KCNQ5: variants seen among roughly 807,000 people sequenced by gnomAD.
The protein encoded by KCNQ5 is potassium voltage-gated channel subfamily Q member 5, also known as potassium voltage-gated channel subfamily KQT member 5.
KCNQ5 carries 30 observed loss-of-function variants against 98.2 expected under a neutral mutation model. The observed-to-expected ratio is 0.31, with a 90% CI of 0.23 to 0.41. The LOEUF is 0.41. Among genes scored for constraint, KCNQ5 ranks in the 10% least tolerant of loss-of-function variants. The probability of loss-of-function intolerance (pLI) is 1.00; values close to 1 mark genes in which losing one functional copy is unlikely to be tolerated. For synonymous variants in KCNQ5, 458 were observed against 449.4 expected, an observed-to-expected ratio of 1.02 and a Z score of -0.24; for missense variants, 835 against 1,182.5, an observed-to-expected ratio of 0.71 and a Z score of 4.31.
In KCNQ5 at chr6:72,914,130, T is replaced by C. The variant is rs118083092; in HGVS notation, c.399-89778T>C. 2.7e-3 allele frequency among the ~76,000 whole-genome samples: 409 copies of C among 152,260 alleles called. 4 individuals are homozygous for C. The highest frequency in any genetic ancestry group is 0.021 in the East Asian group (107 of 5,166). ...TTGTCAAATACCAAGGTGACATGCT[T>C]TGGGGTAGAATGTCCTGAACCCCCA... On this transcript the variant is annotated intron_variant, in intron 1 of 13. Transcript: ENST00000370398.
At chr6:73,192,422 C>G in intron 12 of KCNQ5, 143 bp from the exon 13 acceptor site, 1 of 651,036 alleles carries the variant, frequency 1.5e-6, no homozygotes, top group Non-Finnish European at 2.4e-6. Context: ...ATAAGCATAT[C>G]AACTGGAACA....
intron 1 of KCNQ5, among the ~76,000 whole-genome samples, chr6:72,961,420 A>G (rs1767343369): frequency 6.6e-6 from 1 of 151,944 alleles, no homozygotes; most frequent in Non-Finnish European, 1.5e-5. Flanking sequence ...GATCAAGACC[A>G]TCCTGGCTAA....
intron 1 of KCNQ5, among the ~76,000 whole-genome samples, chr6:72,798,862 C>G (rs1215945274): frequency 1.3e-5 from 2 of 151,948 alleles, no homozygotes; most frequent in Admixed American, 6.6e-5. Flanking sequence ...TATTTTCAAT[C>G]CCATTTTCCC....
chr6:73,029,904 C>CAAAAAAAAAAAAA (rs56804434), intron 2 of KCNQ5, among the ~76,000 whole-genome samples: 1 of 78,656 alleles, frequency 1.3e-5, no homozygotes, highest in Non-Finnish European at 2.3e-5. Context: ...GACTCCGTCT[C>CAAAAAAAAAAAAA]AAAAAAAAAA....
chr6:72,960,554 C>T (rs535952469), intron 1 of KCNQ5, among the ~76,000 whole-genome samples: 1 of 152,036 alleles, frequency 6.6e-6, no homozygotes, highest in Non-Finnish European at 1.5e-5. Flanking sequence ...CTCGGCCTCC[C>T]GAGTAGCTGG....
chr6:72,846,516 A>G lies in KCNQ5; in HGVS notation c.399-157392A>G, dbSNP rs555095456. ...TAGTGAGACCTCATCTCTACAGGGGAAAAAAAAAAAAAATAGCCAGGCAAG... is the reference window on the plus strand; with the variant it reads ...TAGTGAGACCTCATCTCTACAGGGGGAAAAAAAAAAAAATAGCCAGGCAAG... On this transcript the variant is annotated intron_variant, in intron 1 of 13. Transcript: ENST00000370398. 6.1e-4 allele frequency among the ~76,000 whole-genome samples: 58 copies of G among 94,328 alleles called. 1 individual carries two copies. The South Asian group carries it at 9.0e-3, about 15-fold the overall frequency. 61.9% of individuals were successfully genotyped at this position (94,328 alleles called of 152,430 possible).
intron 1 of KCNQ5, among the ~76,000 whole-genome samples, chr6:72,925,416 A>G (rs1780592152): frequency 2.0e-5 from 3 of 152,236 alleles, no homozygotes; most frequent in Admixed American, 2.0e-4. Flanking sequence ...GCATCTTGTA[A>G]TAATGTCCCT....
At chr6:72,782,243 C>CCTCTCT (rs141220546) in intron 1 of KCNQ5, among the ~76,000 whole-genome samples, 1 of 147,664 alleles carries the variant, frequency 6.8e-6, no homozygotes, top group Admixed American at 6.8e-5. Context: ...TCTTATGCAC[C>CCTCTCT]CTCTCTCTCT....
At chr6:72,935,842 C>G (rs566548986) in intron 1 of KCNQ5, among the ~76,000 whole-genome samples, 1 of 152,290 alleles carries the variant, frequency 6.6e-6, no homozygotes, top group African/African-American at 2.4e-5. Flanking sequence ...CATCTGCCCT[C>G]CTCTCACTCT....
chr6:72,802,736 T>G (rs1004572221), intron 1 of KCNQ5, among the ~76,000 whole-genome samples: 8 of 152,112 alleles, frequency 5.3e-5, no homozygotes. Flanking sequence ...AACTCATGTC[T>G]CACCACCAGT....
Position 72,847,748 on chromosome 6 carries a change from A to G in KCNQ5, c.399-156160A>G, listed in dbSNP as rs9446767. 6.0e-3 allele frequency among the ~76,000 whole-genome samples: 908 copies of G among 152,276 alleles called. 6 individuals are homozygous for G. Among genetic ancestry groups the G allele is most frequent in the African/African-American group, 0.019 (777 of 41,554 alleles). On this transcript the variant is annotated intron_variant, in intron 1 of 13. Coordinates refer to ENST00000370398, the MANE Select transcript of KCNQ5 (RefSeq NM_019842.4). ...TATATGACCAACCACTTGTATTTGC[A>G]TTAGACAATGAAACTTTCAGAGAAG...
intron 1 of KCNQ5, among the ~76,000 whole-genome samples, chr6:72,896,757 G>A (rs779460451): frequency 1.3e-5 from 2 of 152,164 alleles, no homozygotes; most frequent in Non-Finnish European, 2.9e-5. Flanking sequence ...AAAAAGTGCC[G>A]CTCCTAGAAT....
At position 72,859,743 on chromosome 6, in the gene KCNQ5, G is replaced by A. The variant is rs188466114; in HGVS notation, c.399-144165G>A. On this transcript the variant is annotated intron_variant, in intron 1 of 13. Coordinates refer to ENST00000370398, the MANE Select transcript of KCNQ5 (RefSeq NM_019842.4). ...ACTACAGGCATGCACCACCACTCCGGGATAATTTTTTCATGTGTGTATTTT... is the reference window on the plus strand; with the variant it reads ...ACTACAGGCATGCACCACCACTCCGAGATAATTTTTTCATGTGTGTATTTT... Among the ~76,000 whole-genome samples the A allele has an allele frequency of 9.2e-5, 14 of 151,776 alleles. 1 individual carries two copies. In the South Asian group the frequency reaches 1.5e-3, roughly 16 times the overall value.
In KCNQ5 at chr6:72,998,253, C is replaced by T. The variant is rs147503623; in HGVS notation, c.399-5655C>T. ...TCCAGTCATCATAATTCATGAAATG[C>T]TCTCAAGGTCCCCTGTCAAATGCAC... On this transcript the variant is annotated intron_variant, in intron 1 of 13. Transcript: ENST00000370398. 6.2e-3 allele frequency among the ~76,000 whole-genome samples: 946 copies of T among 152,304 alleles called. 9 individuals carry two copies. Among genetic ancestry groups the T allele is most frequent in the African/African-American group, 0.021 (889 of 41,556 alleles).
intron 1 of KCNQ5, among the ~76,000 whole-genome samples, chr6:72,710,132 A>C (rs904894742): frequency 6.6e-6 from 1 of 152,156 alleles, no homozygotes; most frequent in Admixed American, 6.5e-5. Context: ...TGTTATTACA[A>C]ATGGTGAAAG....
chr6:73,185,562 G>C (rs774840238), intron 11 of KCNQ5, among the ~76,000 whole-genome samples: 1 of 152,184 alleles, frequency 6.6e-6, no homozygotes, highest in Non-Finnish European at 1.5e-5. Flanking sequence ...AGTAATTGAA[G>C]TATATAATTG....
chr6:73,126,456 G>A (rs1775990879), intron 9 of KCNQ5, among the ~76,000 whole-genome samples: 1 of 152,162 alleles, frequency 6.6e-6, no homozygotes, highest in Non-Finnish European at 1.5e-5. Context: ...TGTCACTGTT[G>A]AGCTTCTGCT....
At chr6:72,677,719 T>C (rs1243598786) in intron 1 of KCNQ5, among the ~76,000 whole-genome samples, 1 of 152,234 alleles carries the variant, frequency 6.6e-6, no homozygotes, top group Admixed American at 6.5e-5. Context: ...AAATTTATTC[T>C]AGGCATCCAC....
At chr6:72,838,963 A>AAAAAAC (rs1434121127) in intron 1 of KCNQ5, among the ~76,000 whole-genome samples, 7 of 150,740 alleles carry the variant, frequency 4.6e-5, no homozygotes, top group Non-Finnish European at 1.0e-4. Flanking sequence ...AAAAAAAAAA[A>AAAAAAC]AAAAAAAAAG....
Sources: gnomAD v4.1 joint callset for allele counts (sites outside exome capture counted in the v4.1 genomes callset) on GRCh38, gnomAD v4.1.1 for gene constraint, MANE v1.5 for transcripts, NCBI Gene and HGNC (gene_info 2026-07-23, HGNC 2026-07-21) for gene names.